Variants in CYP46A1 observed in about 807,000 individuals in gnomAD.
CYP46A1 encodes cytochrome P450 family 46 subfamily A member 1.
A neutral mutation model predicts 63.3 loss-of-function variants in CYP46A1; 20 were observed. The ratio of observed to expected loss-of-function variants is 0.32; its 90% CI spans 0.22 to 0.46. CYP46A1 has a LOEUF of 0.46. Among genes scored for constraint, CYP46A1 ranks in the 20% least tolerant of loss-of-function variants. The pLI is 1.00. For missense variants in CYP46A1, 445 were observed against 670.8 expected, an observed-to-expected ratio of 0.66 and a Z score of 3.72; for synonymous variants, 268 against 273.6, an observed-to-expected ratio of 0.98 and a Z score of 0.20.
chr14:99,691,350 C>A, intron 2 of CYP46A1, 189 bp downstream of exon 2: 1 of 629,340 alleles, frequency 1.6e-6, no homozygotes. Context: ...CATTCATCCA[C>A]TGCAGGACCT....
At chr14:99,699,839 C>T (rs1470141832) in intron 4 of CYP46A1, among the ~76,000 whole-genome samples, 176 bp from the exon 5 acceptor site, 1 of 152,186 alleles carries the variant, frequency 6.6e-6, no homozygotes, top group East Asian at 1.9e-4. Flanking sequence ...TCACCATTTT[C>T]CCCACCTTAG....
At chr14:99,710,474 A>G (rs1566831804) in intron 7 of CYP46A1, 1 of 151,714 alleles carries the variant, frequency 6.6e-6, no homozygotes, top group Non-Finnish European at 1.5e-5. Context: ...CTGAAAGTAA[A>G]GGAATGGAAA....
At chr14:99,723,710 CTT>C (rs1358488113) in intron 12 of CYP46A1, among the ~76,000 whole-genome samples, 4 of 152,204 alleles carry the variant, frequency 2.6e-5, no homozygotes, top group Non-Finnish European at 5.9e-5. Flanking sequence ...ATCTGCATGT[CTT>C]AATATTTTTA....
rs367654172 is a variant in CYP46A1, at chr14:99,689,692, G to A, written c.120-1389G>A. Among the ~76,000 whole-genome samples the A allele has an allele frequency of 2.1e-3, 318 of 152,228 alleles. 2 individuals carry two copies. The highest frequency in any genetic ancestry group is 7.3e-3 in the African/African-American group (304 of 41,532). Reference sequence around the variant, plus strand: ...GCCAAACGGCACGTTCCAGTATTCCGCCTCACAGAGCATTCAGAATCTGAC... The same window carrying A: ...GCCAAACGGCACGTTCCAGTATTCCACCTCACAGAGCATTCAGAATCTGAC... On this transcript the variant is annotated intron_variant, in intron 1 of 14. Coordinates refer to ENST00000261835, the MANE Select transcript of CYP46A1 (RefSeq NM_006668.2).
intron 1 of CYP46A1, among the ~76,000 whole-genome samples, chr14:99,685,076 CTCAACTTGCCAACCCCCCCCCA>C (rs2056479498): frequency 2.1e-5 from 1 of 47,584 alleles, no homozygotes; most frequent in Non-Finnish European, 4.5e-5. Flanking sequence ...TTACACCCCC[CTCAACTTGCCAACCCCCCCCCA>C]CCCCCAGCTT....
At chr14:99,696,309 G>A (rs546221888) in intron 3 of CYP46A1, among the ~76,000 whole-genome samples, 1 of 151,974 alleles carries the variant, frequency 6.6e-6, no homozygotes, top group Non-Finnish European at 1.5e-5. Flanking sequence ...ATCTCACTCT[G>A]TTCCCCAGGT....
chr14:99,720,053 T>C (rs1957513), intron 10 of CYP46A1, among the ~76,000 whole-genome samples: 136,558 of 152,090 alleles, frequency 0.9, 61,789 homozygotes, highest in South Asian at 0.98. Context: ...TGAGCCACCG[T>C]GCCCGGCAGA....
chr14:99,723,936 AC>A (rs1240343331), intron 12 of CYP46A1, among the ~76,000 whole-genome samples: 1 of 152,184 alleles, frequency 6.6e-6, no homozygotes, highest in Non-Finnish European at 1.5e-5. Flanking sequence ...TTTGGCTTAA[AC>A]AACAGAAATT....
At chr14:99,692,261 A>G (rs79275899) in intron 3 of CYP46A1, among the ~76,000 whole-genome samples, 1,960 of 152,370 alleles carry the variant, frequency 0.013, 32 homozygotes, top group African/African-American at 0.045. Flanking sequence ...ACATCCTTAA[A>G]GAGTGCTTAC....
chr14:99,719,863 G>A (rs1957512), intron 10 of CYP46A1, among the ~76,000 whole-genome samples: 126,839 of 150,798 alleles, frequency 0.84, 55,357 homozygotes, highest in South Asian at 0.96. Flanking sequence ...CCGGGTTCAC[G>A]CCATTCTTCT....
chr14:99,701,667 T>C (rs1360959909), intron 5 of CYP46A1, among the ~76,000 whole-genome samples: 1 of 152,246 alleles, frequency 6.6e-6, no homozygotes, highest in East Asian at 1.9e-4. Flanking sequence ...ATAATTCACA[T>C]ACCATACAGC....
In CYP46A1 at chr14:99,706,761, C is replaced by T. The variant is rs776224827; in HGVS notation, c.558C>T (p.Tyr186=). Residue 186 remains tyrosine (Y), a synonymous_variant, in exon 6 of 15, where the codon TAC becomes TAT. Coordinates refer to ENST00000261835, the MANE Select transcript of CYP46A1 (RefSeq NM_006668.2). The part of the protein sequence containing the change: ...TPVSMQDMLT[Y]TAMDILAKAA... ...TGTCCATGCAGGACATGCTGACCTA[C>T]ACCGCCATGGACATCCTGGCCAAGG... 5.6e-6 allele frequency: 9 copies of T among 1,613,274 alleles called. No individual in the cohort carries two copies. The South Asian group carries it at 8.8e-5, about 16-fold the overall frequency.
intron 10 of CYP46A1, among the ~76,000 whole-genome samples, chr14:99,718,825 A>G (rs1240833993): frequency 1.3e-5 from 2 of 152,178 alleles, no homozygotes; most frequent in Admixed American, 6.5e-5. Context: ...CAATCTTTCT[A>G]GGGTTTAAAA....
chr14:99,724,976 A>G (rs1566837823), intron 12 of CYP46A1, among the ~76,000 whole-genome samples: 1 of 152,214 alleles, frequency 6.6e-6, no homozygotes, highest in Non-Finnish European at 1.5e-5. Context: ...GAAACTGAAT[A>G]TAACAGTTCT....
At position 99,722,973 on chromosome 14, in the gene CYP46A1, GA is replaced by G. The variant is rs1566837076; in HGVS notation, c.1176+909del. ...CCCCTGACTGTTCAGCTTTACAAAC[GA>G]ACGCCACATTGTTTTCCAAAGTGGC... On this transcript the variant is annotated intron_variant, in intron 12 of 14. Transcript: ENST00000261835. The surrounding 1 kb of genome is among the most constrained non-coding windows in gnomAD (Gnocchi z 4.6). 1 of 437,306 alleles carries G rather than the reference GA, an allele frequency of 2.3e-6. No individual in the cohort carries two copies. The highest frequency in any genetic ancestry group is 2.4e-5 in the Admixed American group (1 of 41,454). 27.1% of individuals were successfully genotyped at this position (437,306 alleles called of 1,614,324 possible). A position where few individuals can be genotyped will look rare whatever the true frequency, so the allele number is the denominator to read the frequency against.
At chr14:99,695,725 G>C (rs2056582440) in intron 3 of CYP46A1, among the ~76,000 whole-genome samples, 1 of 151,654 alleles carries the variant, frequency 6.6e-6, no homozygotes, top group African/African-American at 2.4e-5. Flanking sequence ...CCACCTCCAG[G>C]GTTCAAGTGA....
intron 9 of CYP46A1, chr14:99,717,781 G>A (rs2140136623): frequency 2.4e-6 from 1 of 419,730 alleles, no homozygotes; most frequent in Admixed American, 4.0e-5. Flanking sequence ...TGGGCTCACG[G>A]ACTTTGAATT....
chr14:99,693,914 C>T (rs917149551), intron 3 of CYP46A1, among the ~76,000 whole-genome samples: 1 of 152,094 alleles, frequency 6.6e-6, no homozygotes, highest in African/African-American at 2.4e-5. Context: ...CATCCATCAC[C>T]ACCATCCATC....
At chr14:99,686,055 C>T (rs2056490970) in intron 1 of CYP46A1, among the ~76,000 whole-genome samples, 1 of 152,168 alleles carries the variant, frequency 6.6e-6, no homozygotes, top group Non-Finnish European at 1.5e-5. Context: ...CCATGGGCCC[C>T]CTGTCTGTCT....
Sources: allele counts gnomAD v4.1 joint callset (sites outside exome capture counted in the v4.1 genomes callset), GRCh38; gene constraint gnomAD v4.1.1; non-coding constraint Gnocchi (gnomAD v3.1); transcripts MANE v1.5; gene names NCBI Gene and HGNC (gene_info 2026-07-23, HGNC 2026-07-21).